Variants in TRPC5 observed in about 807,000 individuals in gnomAD.
TRPC5 encodes short transient receptor potential channel 5.
In TRPC5, 9 loss-of-function variants were observed where a neutral mutation model predicts 56.5. That is an observed-to-expected ratio of 0.16 (90% CI 0.10 to 0.28). The LOEUF (loss-of-function observed/expected upper bound fraction) is 0.28. Ranked by LOEUF, TRPC5 falls within the 10% of genes least tolerant of loss-of-function variation. The pLI is 1.00. For synonymous variants in TRPC5, 282 were observed against 278.5 expected (o/e 1.01, Z -0.13); for missense variants, 469 against 748.9 (o/e 0.63, Z 4.36).
At chrX:111,956,082 T>C (rs1927227498) in intron 1 of TRPC5, among the ~76,000 whole-genome samples, 1 of 112,639 alleles carries the variant, frequency 8.9e-6, no homozygotes, top group East Asian at 2.8e-4. Flanking sequence ...TGGGCTTAAA[T>C]GATGCGATTC....
At chrX:111,938,581 C>T (rs1291126499) in intron 2 of TRPC5, among the ~76,000 whole-genome samples, 2 of 111,001 alleles carry the variant, frequency 1.8e-5, no homozygotes, top group African/African-American at 6.6e-5. Flanking sequence ...TGTCAAAGGC[C>T]TTTTCTGCAT....
At chrX:111,793,974 T>G (rs1029006349) in intron 7 of TRPC5, among the ~76,000 whole-genome samples, 2 of 111,701 alleles carry the variant, frequency 1.8e-5, no homozygotes, top group Non-Finnish European at 3.8e-5. Flanking sequence ...TATTCTATGA[T>G]TCAATTTCTA....
At chrX:112,023,246 G>GTTTT (rs1163231468) in intron 1 of TRPC5, among the ~76,000 whole-genome samples, 23 of 56,697 alleles carry the variant, frequency 4.1e-4, no homozygotes, top group Non-Finnish European at 6.0e-4. Flanking sequence ...TTTTTTTTTT[G>GTTTT]TTTTTTTTTT....
At chrX:111,906,080 C>T (rs533259462) in intron 3 of TRPC5, among the ~76,000 whole-genome samples, 20 of 110,834 alleles carry the variant, frequency 1.8e-4, no homozygotes, top group East Asian at 8.5e-4. Flanking sequence ...ACAGGCCGGG[C>T]GCGGTGGCTC....
Position 111,945,475 on chromosome X carries a change from A to G in TRPC5, c.378+6568T>C, listed in dbSNP as rs190397896. On this transcript the variant is annotated intron_variant, in intron 2 of 10. Transcript: ENST00000262839. ...GTCCACAGAGTAACATATAACATAC[A>G]CACACACATGTGTGCGCACACACAC... is the stretch of plus-strand genomic sequence containing the variant. 4.3e-3 allele frequency among the ~76,000 whole-genome samples: 474 copies of G among 110,242 alleles called. 5 individuals are homozygous for G. The highest frequency in any genetic ancestry group is 0.014 in the African/African-American group (439 of 30,431).
intron 8 of TRPC5, 23 bp from the exon 9 acceptor site, chrX:111,781,229 A>G: frequency 8.4e-7 from 1 of 1,190,535 alleles, no homozygotes; most frequent in Non-Finnish European, 1.1e-6. Context: ...ATAGACAGAG[A>G]TGTTACATCA....
intron 3 of TRPC5, among the ~76,000 whole-genome samples, chrX:111,909,087 C>T (rs563453672): frequency 0.012 from 1,337 of 107,054 alleles, 11 homozygotes; most frequent in Non-Finnish European, 0.019. Flanking sequence ...AGTTCAAGAC[C>T]GGCCTGGCCA....
chrX:111,984,032 G>T (rs1189824812), intron 1 of TRPC5, among the ~76,000 whole-genome samples: 2 of 111,469 alleles, frequency 1.8e-5, no homozygotes, highest in Admixed American at 9.6e-5. Context: ...AGCTTGGTGT[G>T]TCAGAAAACA....
intron 1 of TRPC5, among the ~76,000 whole-genome samples, chrX:112,037,850 C>T (rs1929788563): frequency 8.9e-6 from 1 of 111,787 alleles, no homozygotes; most frequent in African/African-American, 3.3e-5. Flanking sequence ...CTAACTGGGC[C>T]AACCTTCTAC....
intron 1 of TRPC5, among the ~76,000 whole-genome samples, chrX:112,047,711 G>A (rs1024659232): frequency 8.9e-6 from 1 of 112,125 alleles, no homozygotes; most frequent in Non-Finnish European, 1.9e-5. Flanking sequence ...ATCAGCAAGA[G>A]AGTGGGCATT....
intron 7 of TRPC5, among the ~76,000 whole-genome samples, chrX:111,827,587 G>A (rs1211235036): frequency 9.0e-6 from 1 of 111,411 alleles, no homozygotes; most frequent in Non-Finnish European, 1.9e-5. Context: ...ACTGTCTTTT[G>A]CTCACACTTC....
intron 1 of TRPC5, among the ~76,000 whole-genome samples, chrX:111,998,669 C>A (rs904503686): frequency 1.8e-5 from 2 of 111,565 alleles, no homozygotes; most frequent in Non-Finnish European, 3.8e-5. Flanking sequence ...TCCAACCAAT[C>A]ATGGGTCAGA....
rs7060931 is a variant in TRPC5 at position 112,013,826 on chromosome X, G to A, written c.-21-61385C>T. Among the ~76,000 whole-genome samples, 93 of 111,852 alleles carry A rather than the reference G, an allele frequency of 8.3e-4. 1 individual carries two copies. The highest frequency in any genetic ancestry group is 2.9e-3 in the African/African-American group (88 of 30,869). ...GTATTTCCTGCCAGCCACATTGCCAGTCCTCCCTGCAGCCTTGCATCTCTT... is the reference window on the plus strand; with the variant it reads ...GTATTTCCTGCCAGCCACATTGCCAATCCTCCCTGCAGCCTTGCATCTCTT... On this transcript the variant is annotated intron_variant, in intron 1 of 10. Transcript: ENST00000262839.
intron 7 of TRPC5, among the ~76,000 whole-genome samples, chrX:111,821,758 A>C (rs1417428282): frequency 1.8e-5 from 2 of 112,658 alleles, no homozygotes; most frequent in Non-Finnish European, 3.7e-5. Context: ...GCCAAGAAGA[A>C]CCACACCCTC....
chrX:112,072,108 A>G (rs1462051828), intron 1 of TRPC5, among the ~76,000 whole-genome samples: 1 of 112,012 alleles, frequency 8.9e-6, no homozygotes, highest in Non-Finnish European at 1.9e-5. Flanking sequence ...AAGACTACTA[A>G]CACTCACTCT....
intron 1 of TRPC5, among the ~76,000 whole-genome samples, chrX:112,015,847 G>A (rs192233662): frequency 8.9e-6 from 1 of 111,768 alleles, no homozygotes; most frequent in Admixed American, 9.5e-5. Context: ...GCTGAAGAAA[G>A]AGTTAAATAA....
At chrX:112,076,355 A>G (rs1006138043) in intron 1 of TRPC5, among the ~76,000 whole-genome samples, 1 of 111,314 alleles carries the variant, frequency 9.0e-6, no homozygotes, top group African/African-American at 3.3e-5. Context: ...CTTGGACTTT[A>G]TGAGTACTAC....
chrX:111,809,891 T>TTG (rs1556558667), intron 7 of TRPC5, among the ~76,000 whole-genome samples: 6 of 109,864 alleles, frequency 5.5e-5, no homozygotes, highest in African/African-American at 2.0e-4. Flanking sequence ...TGTTTTTTTT[T>TTG]TTGTTGTTGT....
rs977836211 is a variant in TRPC5, at chrX:111,781,876, A to G, written c.2100+59T>C. 10 of 1,041,739 alleles carry G rather than the reference A, an allele frequency of 9.6e-6. No homozygotes were observed. The Admixed American group carries it at 1.4e-4, about 14-fold the overall frequency. 85.9% of individuals were successfully genotyped at this position (1,041,739 alleles called of 1,213,427 possible). A position where few individuals can be genotyped will look rare whatever the true frequency, so the allele number is the denominator to read the frequency against. ...GTGCCACTGCACTCCAGCCTGGGTG[A>G]CAGAGTGAGACTCCATCTCAATTTT... On this transcript the variant is annotated intron_variant, in intron 8 of 10. Transcript: ENST00000262839.
Sources: allele counts gnomAD v4.1 joint callset (sites outside exome capture counted in the v4.1 genomes callset), GRCh38; gene constraint gnomAD v4.1.1; transcripts MANE v1.5; gene names NCBI Gene and HGNC (gene_info 2026-07-23, HGNC 2026-07-21).